The following MIPEP variants were observed in gnomAD, a reference collection of about 807,000 sequenced individuals.
MIPEP encodes mitochondrial intermediate peptidase.
In MIPEP, 79 loss-of-function variants were observed where a neutral mutation model predicts 90.3. The ratio of observed to expected loss-of-function variants is 0.87; its 90% CI spans 0.73 to 1.05. The LOEUF (loss-of-function observed/expected upper bound fraction) is 1.05. Ranked by LOEUF, MIPEP falls within the 50% of genes least tolerant of loss-of-function variation. The pLI is 0.00. For missense variants in MIPEP, 940 were observed against 905.6 expected (o/e 1.04, Z -0.49); for synonymous variants, 334 against 315.8 (o/e 1.06, Z -0.61).
At position 23,811,513 on chromosome 13, in the gene MIPEP, T is replaced by C. The variant is rs1016837189; in HGVS notation, c.1654-1589A>G. Among the ~76,000 whole-genome samples, 12 of 152,164 alleles carry C rather than the reference T, an allele frequency of 7.9e-5. 1 individual carries two copies. The highest frequency in any genetic ancestry group is 4.1e-4 in the South Asian group (2 of 4,832). ...CATTCCTGAGGCTGGATTTGAATTA[T>C]GGTAGGGGCCTGGACTTTGCTAAAC... is the stretch of plus-strand genomic sequence containing the variant. On this transcript the variant is annotated intron_variant, in intron 14 of 18. Transcript: ENST00000382172.
intron 3 of MIPEP, 106 bp downstream of exon 3, chr13:23,881,593 G>C: frequency 1.1e-6 from 1 of 949,748 alleles, no homozygotes. Flanking sequence ...CTCCCACCCT[G>C]CTGGGTGAGG....
chr13:23,830,335 A>T (rs1365123931), intron 14 of MIPEP, among the ~76,000 whole-genome samples: 1 of 152,226 alleles, frequency 6.6e-6, no homozygotes, highest in Admixed American at 6.5e-5. Context: ...GTAAAATACC[A>T]TTTTTGTAAA....
chr13:23,784,670 G>A (rs28802273), intron 16 of MIPEP, among the ~76,000 whole-genome samples: 39,923 of 152,090 alleles, frequency 0.26, 6,062 homozygotes, highest in South Asian at 0.48. Flanking sequence ...CTTCTGCACA[G>A]CAAAAGAAAC....
intron 10 of MIPEP, among the ~76,000 whole-genome samples, chr13:23,842,821 C>T (rs1045870527): frequency 8.5e-5 from 13 of 152,090 alleles, no homozygotes; most frequent in African/African-American, 1.4e-4. Context: ...AAGAATCGGC[C>T]GGGTGCTGTG....
At position 23,886,374 on chromosome 13, in the gene MIPEP, A is replaced by G; in HGVS notation, c.322T>C (p.Phe108Leu). 6 of 1,601,712 alleles carry G rather than the reference A, an allele frequency of 3.7e-6. No individual in the cohort carries two copies. The highest frequency in any genetic ancestry group is 5.1e-6 in the Non-Finnish European group (6 of 1,173,758). ...CATAAGGAATCCGAGAGCTCATCGA[A>G]GATCAGCACGGTCTGGGGCCCAGGT... ...TPPGPQTVLI[F>L]DELSDSLCRV... Residue 108 changes from phenylalanine (F) to leucine (L), a missense_variant, in exon 2 of 19, where the codon TTC becomes CTC. Physicochemically the swap from Phe to Leu is conservative, Grantham distance 22. Transcript: ENST00000382172.
intron 14 of MIPEP, among the ~76,000 whole-genome samples, chr13:23,822,957 C>T (rs1401324050): frequency 6.6e-6 from 1 of 151,806 alleles, no homozygotes; most frequent in Non-Finnish European, 1.5e-5. Flanking sequence ...ATGATCTCGG[C>T]TCACTGCAAC....
chr13:23,772,116 G>A (rs1324714474), intron 16 of MIPEP, among the ~76,000 whole-genome samples: 1 of 152,100 alleles, frequency 6.6e-6, no homozygotes, highest in African/African-American at 2.4e-5. Context: ...ATAGCCCAGG[G>A]CTTGTGACAG....
At chr13:23,853,599 T>G (rs184677735) in intron 10 of MIPEP, among the ~76,000 whole-genome samples, 1 of 151,954 alleles carries the variant, frequency 6.6e-6, no homozygotes, top group Non-Finnish European at 1.5e-5. Flanking sequence ...CTCACTCTGT[T>G]GCCCAAACTG....
At position 23,833,943 on chromosome 13, in the gene MIPEP, G is replaced by C. The variant is rs919578001; in HGVS notation, c.1653+2297C>G. On this transcript the variant is annotated intron_variant, in intron 14 of 18. Transcript: ENST00000382172. Reference sequence around the variant, plus strand: ...TCCTGGCGGCAGTGATGCTCCCCACGTCTCCCACACTAAGTGGCGCCTCCC... The same window carrying C: ...TCCTGGCGGCAGTGATGCTCCCCACCTCTCCCACACTAAGTGGCGCCTCCC... Among the ~76,000 whole-genome samples the C allele has an allele frequency of 4.6e-5, 7 of 152,018 alleles. No individual in the cohort carries two copies. The East Asian group carries it at 1.4e-3, about 29-fold the overall frequency.
rs1402211077 is a variant in MIPEP at position 23,837,593 on chromosome 13, A to G, written c.1502T>C (p.Met501Thr). Reference sequence around the variant, plus strand: ...ACGAGTACGTCCTAGCATTGAATGCATGGCATGTCCCATTTCATGGAAAAG... The same window carrying G: ...ACGAGTACGTCCTAGCATTGAATGCGTGGCATGTCCCATTTCATGGAAAAG... ...ENLFHEMGHAMHSMLGRTRYQ... is the reference protein window; with the variant it reads ...ENLFHEMGHATHSMLGRTRYQ... The change falls in exon 13 of 19, where the codon ATG (methionine) becomes ACG (threonine). Residue 501 changes from methionine (M) to threonine (T), a missense_variant. Transcript: ENST00000382172. 1.2e-6 allele frequency: 2 copies of G among 1,614,102 alleles called. No individual in the cohort carries two copies. Among genetic ancestry groups the G allele is most frequent in the Admixed American group, 1.7e-5 (1 of 60,024 alleles).
In MIPEP at chr13:23,837,599, T is replaced by C. The variant is rs1869112232; in HGVS notation, c.1496A>G (p.His499Arg). 6 of 1,614,158 alleles carry C rather than the reference T, an allele frequency of 3.7e-6. No homozygotes were observed. Among genetic ancestry groups the C allele is most frequent in the Non-Finnish European group, 3.4e-6 (4 of 1,179,974 alleles). Residue 499 changes from histidine to arginine, a missense_variant, in exon 13 of 19, where the codon CAT becomes CGT. Physicochemically the swap from His to Arg is conservative, Grantham distance 29. Transcript: ENST00000382172. ...ACGTCCTAGCATTGAATGCATGGCATGTCCCATTTCATGGAAAAGATTTTC... is the reference window on the plus strand; with the variant it reads ...ACGTCCTAGCATTGAATGCATGGCACGTCCCATTTCATGGAAAAGATTTTC... ...MMENLFHEMG[H>R]AMHSMLGRTR...
intron 18 of MIPEP, among the ~76,000 whole-genome samples, chr13:23,730,774 TTGAC>T (rs1280352816): frequency 1.3e-5 from 2 of 152,238 alleles, no homozygotes; most frequent in Admixed American, 6.5e-5. Context: ...TTAGTTATCT[TTGAC>T]TGGGATGATT....
chr13:23,779,925 T>C (rs527281801), intron 16 of MIPEP, among the ~76,000 whole-genome samples: 4 of 152,320 alleles, frequency 2.6e-5, no homozygotes, highest in African/African-American at 9.6e-5. Flanking sequence ...CGCCCACCAT[T>C]GCTGAAGCTT....
intron 18 of MIPEP, among the ~76,000 whole-genome samples, chr13:23,741,285 G>T (rs1236396496): frequency 6.6e-6 from 1 of 151,412 alleles, no homozygotes; most frequent in Non-Finnish European, 1.5e-5. Flanking sequence ...GCTAAAAATA[G>T]AACTACCATC....
chr13:23,834,166 C>A (rs1436074653), intron 14 of MIPEP, among the ~76,000 whole-genome samples: 2 of 152,182 alleles, frequency 1.3e-5, no homozygotes, highest in South Asian at 2.1e-4. Flanking sequence ...GGAGCCGGAG[C>A]CTGCCTCTCC....
At chr13:23,735,161 T>A (rs1056714206) in intron 18 of MIPEP, among the ~76,000 whole-genome samples, 1 of 152,264 alleles carries the variant, frequency 6.6e-6, no homozygotes, top group East Asian at 1.9e-4. Flanking sequence ...ACATGCCTAG[T>A]CAAACCAATC....
intron 13 of MIPEP, among the ~76,000 whole-genome samples, chr13:23,837,272 A>G (rs1482976040): frequency 6.6e-6 from 1 of 152,200 alleles, no homozygotes; most frequent in African/African-American, 2.4e-5. Context: ...ACATAGCCAC[A>G]AACTTAAATT....
rs999658221 is a variant in MIPEP at position 23,841,601 on chromosome 13, A to T, written c.1107-113T>A. 3.4e-6 allele frequency: 4 copies of T among 1,170,268 alleles called. No homozygotes were observed. The African/African-American group carries it at 6.3e-5, about 18-fold the overall frequency. The allele number at this position is 1,170,268 out of a possible 1,614,324, so 72.5% of individuals were successfully genotyped here. ...GATCACTGGAGCTAAAGAAGGATTC[A>T]AAACATAAAAGTGTATTTATATCAT... On this transcript the variant is annotated intron_variant, in intron 10 of 18. Coordinates refer to ENST00000382172, the MANE Select transcript of MIPEP (RefSeq NM_005932.4).
chr13:23,767,684 C>A (rs1008130282), intron 16 of MIPEP, among the ~76,000 whole-genome samples: 1 of 152,120 alleles, frequency 6.6e-6, no homozygotes, highest in African/African-American at 2.4e-5. Context: ...GAACTCCTGA[C>A]CTCGTGATCT....
Sources: gnomAD v4.1 joint callset for allele counts (sites outside exome capture counted in the v4.1 genomes callset) on GRCh38, gnomAD v4.1.1 for gene constraint, MANE v1.5 for transcripts, NCBI Gene and HGNC (gene_info 2026-07-23, HGNC 2026-07-21) for gene names.